SNTN: variants seen among roughly 807,000 people sequenced by gnomAD.
SNTN encodes sentan, cilia apical structure protein, also known as sentan.
Under a neutral mutation model 12.3 loss-of-function variants are expected in SNTN, and 13 were observed. That is an observed-to-expected ratio of 1.05 (90% CI 0.69 to 1.67). The LOEUF (loss-of-function observed/expected upper bound fraction) is 1.67, where lower values mean the gene tolerates loss of function less well. Among genes scored for constraint, SNTN ranks in the 40% most tolerant of loss-of-function variants. SNTN has a pLI of 0.00. For synonymous variants in SNTN, 69 were observed against 58.5 expected, an observed-to-expected ratio of 1.18 and a Z score of -0.82; for missense variants, 189 against 169.8, an observed-to-expected ratio of 1.11 and a Z score of -0.63.
Position 63,665,165 on chromosome 3 carries a change from T to C in SNTN, c.*1070T>C, listed in dbSNP as rs1190521261. Among the ~76,000 whole-genome samples, 1 of 152,140 alleles carries C rather than the reference T, an allele frequency of 6.6e-6. No individual in the cohort carries two copies. The highest frequency in any genetic ancestry group is 1.5e-5 in the Non-Finnish European group (1 of 68,028). On this transcript the variant is annotated 3_prime_UTR_variant, in exon 4 of 4. Transcript: ENST00000343837. ...GAACTGCACACTGAAAAGAGTGAAT[T>C]GTACTGTATGTCAATTATACCTAAA...
chr3:63,656,781 C>A (rs1183453638), intron 2 of SNTN, among the ~76,000 whole-genome samples: 1 of 152,160 alleles, frequency 6.6e-6, no homozygotes. Flanking sequence ...GGACATGTAG[C>A]CCCACCTGGG....
At chr3:63,658,874 C>T (rs1346703394) in intron 2 of SNTN, among the ~76,000 whole-genome samples, 1 of 152,136 alleles carries the variant, frequency 6.6e-6, no homozygotes, top group Non-Finnish European at 1.5e-5. Flanking sequence ...CAGATTCATT[C>T]ATTTAACAGC....
Position 63,664,218 on chromosome 3 carries a change from T to A in SNTN, c.*123T>A. 6.5e-6 allele frequency: 6 copies of A among 920,242 alleles called. No homozygotes were observed. The highest frequency in any genetic ancestry group is 9.6e-6 in the Non-Finnish European group (6 of 627,978). The allele number at this position is 920,242 out of a possible 1,614,324, so 57.0% of individuals were successfully genotyped here. ...CTGAAATTGCCTAGGATGGTTCTGA[T>A]TGCTGGTATTCAGATCCAATGTAAC... is the stretch of plus-strand genomic sequence containing the variant. On this transcript the variant is annotated 3_prime_UTR_variant, in exon 4 of 4. Transcript: ENST00000343837.
At chr3:63,658,423 T>C (rs1179173540) in intron 2 of SNTN, among the ~76,000 whole-genome samples, 1 of 145,964 alleles carries the variant, frequency 6.9e-6, no homozygotes, top group Non-Finnish European at 1.5e-5. Flanking sequence ...TATATATATA[T>C]ATGTAAAATA....
rs890002294 is a variant in SNTN, at chr3:63,664,807, C to G, written c.*712C>G. The stretch of plus-strand genomic sequence containing the variant: ...TGCTCTTGTTGCCCAGGCTGGAGTG[C>G]AATGGCACGATCTCAGCTTACTGCA... On this transcript the variant is annotated 3_prime_UTR_variant, in exon 4 of 4. Transcript: ENST00000343837. 1 of 152,114 alleles carries G rather than the reference C, an allele frequency of 6.6e-6. No homozygotes were observed. Among genetic ancestry groups the G allele is most frequent in the South Asian group, 2.1e-4 (1 of 4,826 alleles). 9.4% of individuals were successfully genotyped at this position (152,114 alleles called of 1,614,324 possible).
At chr3:63,654,037 C>G (rs1305401575) in intron 1 of SNTN, among the ~76,000 whole-genome samples, 2 of 152,216 alleles carry the variant, frequency 1.3e-5, no homozygotes, top group Admixed American at 1.3e-4. Flanking sequence ...TCATTAGGCT[C>G]AGGCAGAGTG....
At position 63,654,866 on chromosome 3, in the gene SNTN, AAT is replaced by A. The variant is rs983646055; in HGVS notation, c.145+72_145+73del. On this transcript the variant is annotated intron_variant, in intron 2 of 3. Coordinates refer to ENST00000343837, the MANE Select transcript of SNTN (RefSeq NM_001080537.2). ...GATGGCATGCCAAGTGTTAAAAAAA[AAT>A]AATAGGACATCAAAGAATGCCAGAG... 7.3e-5 allele frequency: 100 copies of A among 1,376,590 alleles called. No homozygotes were observed. In the African/African-American group the frequency reaches 1.2e-3, roughly 16 times the overall value. 85.3% of individuals were successfully genotyped at this position (1,376,590 alleles called of 1,614,324 possible).
At chr3:63,661,871 C>T (rs1700746949) in intron 3 of SNTN, among the ~76,000 whole-genome samples, 1 of 152,112 alleles carries the variant, frequency 6.6e-6, no homozygotes, top group South Asian at 2.1e-4. Flanking sequence ...GCTTTTAACA[C>T]ATATGAAAAT....
intron 3 of SNTN, among the ~76,000 whole-genome samples, chr3:63,662,680 T>C (rs1183984426): frequency 2.6e-5 from 4 of 152,144 alleles, no homozygotes; most frequent in Non-Finnish European, 5.9e-5. Context: ...TTGGCCCTCA[T>C]GGATAGGGTG....
intron 1 of SNTN, among the ~76,000 whole-genome samples, chr3:63,653,401 G>A (rs1190829604): frequency 6.6e-6 from 1 of 152,010 alleles, no homozygotes; most frequent in Non-Finnish European, 1.5e-5. Context: ...TTCTTATAAA[G>A]GAAATAATAA....
chr3:63,658,411 T>TATAC (rs1553656853), intron 2 of SNTN, among the ~76,000 whole-genome samples: 3 of 147,106 alleles, frequency 2.0e-5, no homozygotes, highest in Non-Finnish European at 4.5e-5. Context: ...AATATATATA[T>TATAC]ATATATATAT....
Position 63,659,804 on chromosome 3 carries a change from T to C in SNTN, c.225T>C (p.Gly75=). ...TCAGAAATTCTTCTGACTCTGATGGTAAACTTGAAAAAGCTATTGCCAAAG... is the reference window on the plus strand; with the variant it reads ...TCAGAAATTCTTCTGACTCTGATGGCAAACTTGAAAAAGCTATTGCCAAAG... ...LIFRNSSDSD[G]KLEKAIAKDL... Residue 75 remains glycine (G), a synonymous_variant, in exon 3 of 4, where the codon GGT becomes GGC. Coordinates refer to ENST00000343837, the MANE Select transcript of SNTN (RefSeq NM_001080537.2). The C allele has an allele frequency of 6.2e-7, 1 of 1,614,012 alleles. No homozygotes were observed.
intron 3 of SNTN, 92 bp from the exon 4 acceptor site, chr3:63,663,845 G>T: frequency 6.8e-7 from 1 of 1,466,338 alleles, no homozygotes; most frequent in Non-Finnish European, 9.4e-7. Flanking sequence ...TTCTATTACA[G>T]CAACACTAAA....
At chr3:63,661,785 A>G (rs376135090) in intron 3 of SNTN, among the ~76,000 whole-genome samples, 1 of 152,114 alleles carries the variant, frequency 6.6e-6, no homozygotes, top group Admixed American at 6.6e-5. Context: ...CCCACATCCA[A>G]GGCCAAAAGA....
At chr3:63,653,460 G>T (rs191106903) in intron 1 of SNTN, among the ~76,000 whole-genome samples, 1 of 152,064 alleles carries the variant, frequency 6.6e-6, no homozygotes, top group South Asian at 2.1e-4. Context: ...AGAAGACCAC[G>T]AAGGGTTCGA....
At position 63,652,875 on chromosome 3, in the gene SNTN, C is replaced by G. The variant is rs971569736; in HGVS notation, c.110+78C>G. The G allele has an allele frequency of 3.4e-5, 46 of 1,355,678 alleles. No homozygotes were observed. The African/African-American group carries it at 5.2e-4, about 15-fold the overall frequency. 84.0% of individuals were successfully genotyped at this position (1,355,678 alleles called of 1,614,324 possible). On this transcript the variant is annotated intron_variant, in intron 1 of 3. Coordinates refer to ENST00000343837, the MANE Select transcript of SNTN (RefSeq NM_001080537.2). ...ATTTCCAAAGAGTTTATGTCAACAG[C>G]TTTATAAGCCAAGTTATTGCCAGTT...
chr3:63,657,897 A>T (rs1700700444), intron 2 of SNTN, among the ~76,000 whole-genome samples: 1 of 152,180 alleles, frequency 6.6e-6, no homozygotes, highest in Non-Finnish European at 1.5e-5. Context: ...CAGAGATACA[A>T]TAAAAACTGA....
At chr3:63,662,637 G>C (rs1331048305) in intron 3 of SNTN, among the ~76,000 whole-genome samples, 1 of 152,180 alleles carries the variant, frequency 6.6e-6, no homozygotes, top group East Asian at 1.9e-4. Flanking sequence ...ATAACACTCA[G>C]CTCTCCTGGA....
At position 63,652,749 on chromosome 3, in the gene SNTN, C is replaced by A. The variant is rs760092838; in HGVS notation, c.62C>A (p.Pro21His). Residue 21 changes from proline (P) to histidine (H), a missense_variant, in exon 1 of 4, where the codon CCT becomes CAT. By Grantham distance (77) the Pro-to-His change is moderately conservative (BLOSUM62 -2). Transcript: ENST00000343837. ...KSLHLEGDPN[P>H]SAAPTSTCAP... ...CTCCACTTGGAAGGAGATCCCAATC[C>A]TTCTGCAGCCCCAACATCCACCTGC... is the stretch of plus-strand genomic sequence containing the variant. 57 of 1,613,986 alleles carry A rather than the reference C, an allele frequency of 3.5e-5. No homozygotes were observed. The highest frequency in any genetic ancestry group is 4.5e-5 in the Non-Finnish European group (53 of 1,179,990).
Sources: gnomAD v4.1 joint callset for allele counts (sites outside exome capture counted in the v4.1 genomes callset) on GRCh38, gnomAD v4.1.1 for gene constraint, MANE v1.5 for transcripts, NCBI Gene and HGNC (gene_info 2026-07-23, HGNC 2026-07-21) for gene names.